The following TTC3 variants were observed in gnomAD, a reference collection of about 807,000 sequenced individuals.
TTC3 encodes tetratricopeptide repeat domain 3.
TTC3 carries 180 observed loss-of-function variants against 249.6 expected under a neutral mutation model. That is an observed-to-expected ratio of 0.72 (90% CI 0.64 to 0.82). The LOEUF (loss-of-function observed/expected upper bound fraction) is 0.82. TTC3 is among the 40% of genes least tolerant of loss of function. The probability of loss-of-function intolerance (pLI) is 0.00; values close to 1 mark genes in which losing one functional copy is unlikely to be tolerated. For missense variants in TTC3, 2,061 were observed against 2,398.4 expected (o/e 0.86, Z 2.94); for synonymous variants, 717 against 805.0 (o/e 0.89, Z 1.85).
At chr21:37,095,474 T>G in intron 9 of TTC3, 30 bp downstream of exon 9, 1 of 1,401,868 alleles carries the variant, frequency 7.1e-7, no homozygotes, top group South Asian at 1.3e-5. Context: ...AAGAGATGCT[T>G]TTTCTATGGC....
At chr21:37,081,107 G>A (rs1340894112) in intron 1 of TTC3, among the ~76,000 whole-genome samples, 6 of 97,680 alleles carry the variant, frequency 6.1e-5, no homozygotes, top group African/African-American at 1.9e-4. Context: ...TTTTATTTAT[G>A]CCTTTTTTTT....
exon 15 of TTC3, chr21:37,126,109 T>C (rs2077027978): frequency 1.2e-6 from 2 of 1,612,110 alleles, no homozygotes; most frequent in Admixed American, 1.7e-5. Flanking sequence ...AGGTAGATGA[T>C]TGTGACTGTC....
At chr21:37,102,235 CTT>C (rs978112577) in intron 10 of TTC3, among the ~76,000 whole-genome samples, 1 of 152,154 alleles carries the variant, frequency 6.6e-6, no homozygotes, top group African/African-American at 2.4e-5. Context: ...ATACCTGAAT[CTT>C]GCTTTTGTTC....
intron 29 of TTC3, among the ~76,000 whole-genome samples, 172 bp downstream of exon 29, chr21:37,159,917 C>T (rs2080535296): frequency 6.6e-6 from 1 of 152,178 alleles, no homozygotes; most frequent in Non-Finnish European, 1.5e-5. Flanking sequence ...TGCCAGTTTT[C>T]CTCTCGGAAT....
intron 17 of TTC3, among the ~76,000 whole-genome samples, chr21:37,134,046 T>G (rs1207438871): frequency 6.6e-6 from 1 of 152,182 alleles, no homozygotes; most frequent in Middle Eastern, 3.2e-3. Flanking sequence ...AACTTCAAGT[T>G]CATATCTTAA....
intron 1 of TTC3, among the ~76,000 whole-genome samples, chr21:37,078,981 T>C (rs2071258402): frequency 6.6e-6 from 1 of 152,224 alleles, no homozygotes; most frequent in Non-Finnish European, 1.5e-5. Context: ...GGGAAGTCTT[T>C]TCAGTTGTCA....
intron 1 of TTC3, among the ~76,000 whole-genome samples, chr21:37,075,182 T>C (rs2070671275): frequency 6.9e-6 from 1 of 144,544 alleles, no homozygotes; most frequent in Non-Finnish European, 1.5e-5. Context: ...TTTTTTTTGC[T>C]CAGCATCATA....
At chr21:37,106,161 A>G (rs1442669253) in intron 10 of TTC3, among the ~76,000 whole-genome samples, 3 of 152,154 alleles carry the variant, frequency 2.0e-5, no homozygotes, top group Admixed American at 1.3e-4. Context: ...TCATAAATTG[A>G]TTAAGGATGT....
exon 8 of TTC3, chr21:37,094,077 T>C: frequency 6.2e-7 from 1 of 1,600,122 alleles, no homozygotes; most frequent in Non-Finnish European, 8.5e-7. Context: ...CAAAGTTGTA[T>C]GGATTGTATA....
intron 26 of TTC3, among the ~76,000 whole-genome samples, 187 bp from the exon 27 acceptor site, chr21:37,152,764 G>A (rs112797568): frequency 1.4e-4 from 22 of 152,116 alleles, no homozygotes; most frequent in South Asian, 8.3e-4. Context: ...TTATTTTAGC[G>A]TACACTTTCA....
intron 44 of TTC3, among the ~76,000 whole-genome samples, chr21:37,199,113 C>T (rs1475835456): frequency 6.6e-6 from 1 of 152,170 alleles, no homozygotes; most frequent in East Asian, 1.9e-4. Context: ...CCATCTCCTC[C>T]TGGGCCGAGT....
chr21:37,139,864 G>C (rs1280561441), intron 19 of TTC3, among the ~76,000 whole-genome samples: 1 of 152,090 alleles, frequency 6.6e-6, no homozygotes, highest in Non-Finnish European at 1.5e-5. Context: ...TTCATCAGAG[G>C]ACAGCCCTTG....
chr21:37,195,788 C>T (rs767484757), exon 42 of TTC3: 26 of 1,614,108 alleles, frequency 1.6e-5, no homozygotes, highest in Non-Finnish European at 2.2e-5. Context: ...CTAGTGTGTT[C>T]TCTGCTGGTG....
At chr21:37,150,388 C>T (rs1254765279) in intron 24 of TTC3, among the ~76,000 whole-genome samples, 1 of 151,928 alleles carries the variant, frequency 6.6e-6, no homozygotes, top group Non-Finnish European at 1.5e-5. Flanking sequence ...GAAAAGGAGG[C>T]TTTTTATATC....
exon 27 of TTC3, chr21:37,153,217 A>G (rs779656398): frequency 8.7e-6 from 14 of 1,614,038 alleles, no homozygotes; most frequent in Admixed American, 3.3e-5. Flanking sequence ...GCATGTTTTG[A>G]GTGAGCTTAA....
At chr21:37,080,217 A>G (rs1381940261) in intron 1 of TTC3, among the ~76,000 whole-genome samples, 1 of 152,086 alleles carries the variant, frequency 6.6e-6, no homozygotes, top group Non-Finnish European at 1.5e-5. Context: ...ATTAACTTTC[A>G]AATCTAAGTA....
chr21:37,100,254 G>A (rs1362902223), intron 10 of TTC3, among the ~76,000 whole-genome samples: 4 of 151,964 alleles, frequency 2.6e-5, no homozygotes, highest in Admixed American at 1.3e-4. Context: ...TTGGTACATG[G>A]GTGTTCATTT....
intron 35 of TTC3, among the ~76,000 whole-genome samples, chr21:37,175,140 T>G (rs1342379322): frequency 6.7e-6 from 1 of 150,020 alleles, no homozygotes; most frequent in African/African-American, 2.5e-5. Context: ...GGTGGGTGTC[T>G]GTAGTCCCAG....
chr21:37,126,041 GTTT>G (rs201506911), intron 14 of TTC3, 36 bp from the exon 15 acceptor site: 70 of 1,261,012 alleles, frequency 5.6e-5, no homozygotes, highest in South Asian at 1.3e-4. Context: ...TGGCTGGGTT[GTTT>G]TTTTTTTTTT....
Sources: allele counts gnomAD v4.1 joint callset (sites outside exome capture counted in the v4.1 genomes callset), GRCh38; gene constraint gnomAD v4.1.1; transcripts MANE v1.5; gene names NCBI Gene and HGNC (gene_info 2026-07-23, HGNC 2026-07-21).